MAML2: variants seen among roughly 807,000 people sequenced by gnomAD.
The protein encoded by MAML2 is mastermind like transcriptional coactivator 2.
In MAML2, 22 loss-of-function variants were observed where a neutral mutation model predicts 96.1. The ratio of observed to expected loss-of-function variants is 0.23; its 90% CI spans 0.16 to 0.33. The LOEUF is 0.33. Among genes scored for constraint, MAML2 ranks in the 10% least tolerant of loss-of-function variants. The pLI is 1.00. For missense variants in MAML2, 1,367 were observed against 1,392.4 expected, an observed-to-expected ratio of 0.98 and a Z score of 0.29; for synonymous variants, 561 against 521.3, an observed-to-expected ratio of 1.08 and a Z score of -1.04.
intron 1 of MAML2, among the ~76,000 whole-genome samples, chr11:96,152,117 G>A (rs1860933462): frequency 6.6e-6 from 1 of 152,128 alleles, no homozygotes; most frequent in Non-Finnish European, 1.5e-5. Context: ...CAGCTACTTG[G>A]GAGGCTGAGG....
At chr11:96,226,288 G>T (rs369727992) in intron 1 of MAML2, among the ~76,000 whole-genome samples, 26 of 152,320 alleles carry the variant, frequency 1.7e-4, no homozygotes, top group African/African-American at 6.3e-4. Context: ...CCCAAACAAT[G>T]CCAGACCAGA....
intron 1 of MAML2, among the ~76,000 whole-genome samples, chr11:96,316,370 G>A (rs1863633581): frequency 6.6e-6 from 1 of 152,116 alleles, no homozygotes; most frequent in Non-Finnish European, 1.5e-5. Context: ...AGAAAATGCA[G>A]GTTGTAACAA....
At chr11:96,186,248 A>G (rs57619544) in intron 1 of MAML2, among the ~76,000 whole-genome samples, 14,487 of 152,262 alleles carry the variant, frequency 0.095, 754 homozygotes, top group African/African-American at 0.11. Flanking sequence ...GAATCAAAGT[A>G]CTTTTTTGAG....
rs2135698237 is a variant in MAML2, at chr11:95,979,571, G to A, written c.2848C>T (p.Gln950Ter). 1.2e-6 allele frequency: 2 copies of A among 1,613,948 alleles called. No homozygotes were observed. The highest frequency in any genetic ancestry group is 1.7e-6 in the Non-Finnish European group (2 of 1,179,892). ...GTGATCATTACGTTTGATGTTCTCT[G>A]TGGTGGCATGCTTGCCATACTATGG... ...LTHSMASMPP[Q>*]RTSNVMITSN... The change falls in exon 5 of 5, where the codon CAG (glutamine) becomes TAG (stop). Residue 950 changes from glutamine to a stop codon, truncating the protein, a stop_gained. Transcript: ENST00000524717. LOFTEE classifies it high-confidence loss of function.
intron 1 of MAML2, among the ~76,000 whole-genome samples, chr11:96,238,561 T>C (rs1004538670): frequency 3.3e-5 from 5 of 152,254 alleles, no homozygotes; most frequent in African/African-American, 9.6e-5. Context: ...CATTTAGGTT[T>C]AGCTCCTGGA....
At chr11:96,084,499 T>G (rs1020049849) in intron 2 of MAML2, among the ~76,000 whole-genome samples, 3 of 152,140 alleles carry the variant, frequency 2.0e-5, no homozygotes, top group Non-Finnish European at 4.4e-5. Flanking sequence ...GCTGGCCAGC[T>G]TATTAGCCTC....
intron 1 of MAML2, among the ~76,000 whole-genome samples, chr11:96,311,746 T>C (rs1453527236): frequency 1.3e-5 from 2 of 152,232 alleles, no homozygotes; most frequent in Admixed American, 1.3e-4. Context: ...TAAGTTTCAC[T>C]GAGAGTTAGG....
At chr11:96,061,995 C>T (rs919430866) in intron 2 of MAML2, among the ~76,000 whole-genome samples, 3 of 151,980 alleles carry the variant, frequency 2.0e-5, no homozygotes, top group Non-Finnish European at 2.9e-5. Context: ...CTATGAGAGA[C>T]GAGTTCCACT....
At chr11:96,121,011 T>C (rs1345472513) in intron 1 of MAML2, among the ~76,000 whole-genome samples, 1 of 152,158 alleles carries the variant, frequency 6.6e-6, no homozygotes, top group Non-Finnish European at 1.5e-5. Context: ...GGGAAAATGG[T>C]GCAACAGTCC....
At chr11:96,001,153 A>G (rs1858072145) in intron 2 of MAML2, among the ~76,000 whole-genome samples, 1 of 152,186 alleles carries the variant, frequency 6.6e-6, no homozygotes, top group Admixed American at 6.5e-5. Context: ...TATCCTTCAG[A>G]TGTTACCCAA....
chr11:96,105,754 G>A (rs1054190496), intron 1 of MAML2, among the ~76,000 whole-genome samples: 3 of 151,990 alleles, frequency 2.0e-5, no homozygotes, highest in African/African-American at 7.2e-5. Context: ...TCTCTTAGAA[G>A]GTACCTCAAC....
At chr11:95,987,559 GATACA>G (rs1232589911) in intron 3 of MAML2, among the ~76,000 whole-genome samples, 2 of 152,144 alleles carry the variant, frequency 1.3e-5, no homozygotes, top group African/African-American at 4.8e-5. Flanking sequence ...CTTTGTAATA[GATACA>G]TGGGTAAATT....
At chr11:96,168,398 A>G (rs1186899058) in intron 1 of MAML2, among the ~76,000 whole-genome samples, 1 of 152,196 alleles carries the variant, frequency 6.6e-6, no homozygotes, top group African/African-American at 2.4e-5. Flanking sequence ...GTCAAAGACC[A>G]TATCATCTCA....
chr11:96,166,207 A>G (rs1362653421), intron 1 of MAML2, among the ~76,000 whole-genome samples: 1 of 151,266 alleles, frequency 6.6e-6, no homozygotes, highest in Non-Finnish European at 1.5e-5. Context: ...ACACACACAC[A>G]CACACACACC....
At chr11:96,035,362 C>A (rs1431951473) in intron 2 of MAML2, among the ~76,000 whole-genome samples, 4 of 152,048 alleles carry the variant, frequency 2.6e-5, no homozygotes, top group Non-Finnish European at 5.9e-5. Flanking sequence ...TTAGGTATGC[C>A]CATTATTTTC....
At chr11:96,057,036 T>C (rs967082242) in intron 2 of MAML2, among the ~76,000 whole-genome samples, 1 of 152,214 alleles carries the variant, frequency 6.6e-6, no homozygotes, top group African/African-American at 2.4e-5. Flanking sequence ...GTTTGCTGAT[T>C]AAAGAAATGC....
At chr11:96,112,118 G>C (rs1429151798) in intron 1 of MAML2, among the ~76,000 whole-genome samples, 1 of 152,162 alleles carries the variant, frequency 6.6e-6, no homozygotes, top group Non-Finnish European at 1.5e-5. Context: ...GAAAATAAAA[G>C]ATTTTTAAAA....
rs16923335 is a variant in MAML2 at position 96,216,630 on chromosome 11, A to G, written c.514-123113T>C. Among the ~76,000 whole-genome samples the G allele has an allele frequency of 9.6e-3, 1,458 of 152,326 alleles. 49 individuals are homozygous for G. Among genetic ancestry groups the G allele is most frequent in the Admixed American group, 0.071 (1,084 of 15,298 alleles). ...ACTTGTAATAAAATGCTTATGGATC[A>G]TTTAGGTATGCTGTGTATTACAGAC... On this transcript the variant is annotated intron_variant, in intron 1 of 4. Coordinates refer to ENST00000524717, the MANE Select transcript of MAML2 (RefSeq NM_032427.4).
At chr11:95,990,949 A>G (rs932978721) in intron 3 of MAML2, among the ~76,000 whole-genome samples, 1 of 152,034 alleles carries the variant, frequency 6.6e-6, no homozygotes, top group African/African-American at 2.4e-5. Flanking sequence ...TTGGTGCAAA[A>G]GTGATTACGG....
Sources: gnomAD v4.1 joint callset for allele counts (sites outside exome capture counted in the v4.1 genomes callset) on GRCh38, gnomAD v4.1.1 for gene constraint, MANE v1.5 for transcripts, NCBI Gene and HGNC (gene_info 2026-07-23, HGNC 2026-07-21) for gene names.